The following GPR35 variants were observed in gnomAD, a reference collection of about 807,000 sequenced individuals.
GPR35 encodes the protein G protein-coupled receptor 35, also known as KYNA receptor.
For missense variants in GPR35, 372 were observed against 422.5 expected (o/e 0.88, Z 1.05); for synonymous variants, 207 against 198.4 (o/e 1.04, Z -0.36).
Position 240,618,697 on chromosome 2 carries a change from C to G in GPR35, c.-148-191C>G, listed in dbSNP as rs193273644. Among the ~76,000 whole-genome samples, 291 of 152,326 alleles carry G rather than the reference C, an allele frequency of 1.9e-3. 2 individuals are homozygous for G. Among genetic ancestry groups the G allele is most frequent in the African/African-American group, 6.7e-3 (278 of 41,578 alleles). Reference sequence around the variant, plus strand: ...CCATCCCATTTCCACCTGTTTCCTACAGGTAACAGTTTAATTTAAAGCAAA... The same window carrying G: ...CCATCCCATTTCCACCTGTTTCCTAGAGGTAACAGTTTAATTTAAAGCAAA... On this transcript the variant is annotated intron_variant, in intron 4 of 5. Transcript: ENST00000319838.
Position 240,618,518 on chromosome 2 carries a change from A to G in GPR35, c.-148-370A>G, listed in dbSNP as rs545278988. 7.2e-5 allele frequency among the ~76,000 whole-genome samples: 11 copies of G among 152,374 alleles called. No individual in the cohort carries two copies. The South Asian group carries it at 1.0e-3, about 14-fold the overall frequency. On this transcript the variant is annotated intron_variant, in intron 4 of 5. Coordinates refer to the GPR35 transcript ENST00000319838. ...TTTGGTAGGTTCATATTGTCAACCC[A>G]TAATGCAAGTCAGTTAGTTTCATTT...
intron 4 of GPR35, among the ~76,000 whole-genome samples, chr2:240,618,248 A>G (rs931536007): frequency 1.3e-5 from 2 of 152,242 alleles, no homozygotes; most frequent in African/African-American, 2.4e-5. Context: ...AACACACACA[A>G]TATTTTCAAA....
exon 3 of GPR35, chr2:240,616,476 G>T: frequency 2.6e-6 from 2 of 780,666 alleles, no homozygotes; most frequent in Non-Finnish European, 4.8e-6. Flanking sequence ...ATCTCCTGTC[G>T]ACTGCGAGTC....
upstream of GPR35, among the ~76,000 whole-genome samples, chr2:240,624,940 T>A (rs1446093241): frequency 1.3e-5 from 2 of 152,150 alleles, no homozygotes; most frequent in Non-Finnish European, 2.9e-5. Context: ...CCTGCCTGCG[T>A]GTGCCTCTCA....
chr2:240,630,426 G>A lies in GPR35; in HGVS notation c.474G>A (p.Glu158=). Residue 158 remains glutamate, a synonymous_variant, in exon 2 of 2, where the codon GAG becomes GAA. Coordinates refer to ENST00000407714, the MANE Select transcript of GPR35 (RefSeq NM_005301.5). ...LVARWLLGIQ[E]GGFCFRSTRH... is the part of the protein sequence containing the mutation. ...CTCGCTGGCTCCTGGGGATTCAGGA[G>A]GGCGGCTTCTGCTTCAGGAGCACCC... 1 of 1,612,666 alleles carries A rather than the reference G, an allele frequency of 6.2e-7. No individual in the cohort carries two copies. Among genetic ancestry groups the A allele is most frequent in the Non-Finnish European group, 8.5e-7 (1 of 1,179,950 alleles).
At position 240,630,140 on chromosome 2, in the gene GPR35, C is replaced by A; in HGVS notation, c.188C>A (p.Ala63Glu). Residue 63 changes from alanine (A) to glutamate (E), a missense_variant, in exon 2 of 2, where the codon GCG (alanine) becomes GAG (glutamate). Ala to Glu is a moderately radical substitution (Grantham distance 107, BLOSUM62 -1). Transcript: ENST00000407714. ...ACCCGCATCTACATGACCAACCTGG[C>A]GGTGGCCGACCTCTGCCTGCTGTGC... ...TETRIYMTNL[A>E]VADLCLLCTL... The A allele has an allele frequency of 6.2e-7, 1 of 1,601,974 alleles. No individual in the cohort carries two copies. The highest frequency in any genetic ancestry group is 8.5e-7 in the Non-Finnish European group (1 of 1,177,974).
At position 240,630,925 on chromosome 2, in the gene GPR35, G is replaced by A. The variant is rs763397646; in HGVS notation, c.*43G>A. 75 of 1,523,368 alleles carry A rather than the reference G, an allele frequency of 4.9e-5. No homozygotes were observed. The highest frequency in any genetic ancestry group is 1.4e-4 in the East Asian group (6 of 44,124). 94.4% of individuals were successfully genotyped at this position (1,523,368 alleles called of 1,614,324 possible). ...CTGTGGGCCAGGTCTCGGGGGCTCCGGGAGGTGCTGCCTGCCAGGGGAAGC... is the reference window on the plus strand; with the variant it reads ...CTGTGGGCCAGGTCTCGGGGGCTCCAGGAGGTGCTGCCTGCCAGGGGAAGC... On this transcript the variant is annotated 3_prime_UTR_variant, in exon 2 of 2. Coordinates refer to ENST00000407714, the MANE Select transcript of GPR35 (RefSeq NM_005301.5).
In GPR35 at chr2:240,630,709, A is replaced by G; in HGVS notation, c.757A>G (p.Thr253Ala). 6.2e-7 allele frequency: 1 copy of G among 1,613,440 alleles called. No homozygotes were observed. Among genetic ancestry groups the G allele is most frequent in the East Asian group, 2.2e-5 (1 of 44,870 alleles). ...CTGGAACGCCTGTGCCCTCCTGGAGACGATCCGTCGCGCCCTGTACATAAC... is the reference window on the plus strand; with the variant it reads ...CTGGAACGCCTGTGCCCTCCTGGAGGCGATCCGTCGCGCCCTGTACATAAC... ...VGWNACALLE[T>A]IRRALYITSK... Residue 253 changes from threonine (T) to alanine (A), a missense_variant, in exon 2 of 2, where the codon ACG becomes GCG. Coordinates refer to ENST00000407714, the MANE Select transcript of GPR35 (RefSeq NM_005301.5).
intron 2 of GPR35, among the ~76,000 whole-genome samples, chr2:240,611,926 G>A (rs1051864759): frequency 4.6e-5 from 7 of 152,092 alleles, no homozygotes; most frequent in African/African-American, 1.7e-4. Flanking sequence ...ACATTTTAGG[G>A]ACCCAAATGC....
chr2:240,616,549 G>A, intron 3 of GPR35: 1 of 767,682 alleles, frequency 1.3e-6, no homozygotes. Context: ...CACTTCATCA[G>A]CAGGGCATGC....
At chr2:240,614,342 A>G (rs2043219249) in intron 2 of GPR35, among the ~76,000 whole-genome samples, 1 of 152,014 alleles carries the variant, frequency 6.6e-6, no homozygotes, top group African/African-American at 2.4e-5. Flanking sequence ...TCCAATCCTA[A>G]CCCTAATCCA....
chr2:240,622,456 C>G (rs751352525), upstream of GPR35, among the ~76,000 whole-genome samples: 1 of 152,212 alleles, frequency 6.6e-6, no homozygotes, highest in African/African-American at 2.4e-5. Context: ...TTGGCTTCCC[C>G]GGGCCGCATT....
In GPR35 at chr2:240,630,564, C is replaced by A. The variant is rs530284304; in HGVS notation, c.612C>A (p.Thr204=). The A allele has an allele frequency of 5.0e-6, 8 of 1,612,792 alleles. No individual in the cohort carries two copies. ...CTGCCCTGGCCCAGAGGCCACCCAC[C>A]GACGTGGGGCAGGCAGAGGCCACCC... The part of the protein sequence containing the change: ...VVTALAQRPP[T]DVGQAEATRK... The change falls in exon 2 of 2, where the codon ACC becomes ACA. Residue 204 remains threonine, a synonymous_variant. Coordinates refer to ENST00000407714, the MANE Select transcript of GPR35 (RefSeq NM_005301.5).
rs921469053 is a variant in GPR35, at chr2:240,613,158, C to T, written c.-576-3230C>T. Among the ~76,000 whole-genome samples, 14 of 152,204 alleles carry T rather than the reference C, an allele frequency of 9.2e-5. No homozygotes were observed. The South Asian group carries it at 1.2e-3, about 14-fold the overall frequency. The stretch of plus-strand genomic sequence containing the variant: ...CAGTAAACAAGAGCTCCAGAAGATA[C>T]GCGGAACAGGAGAAGGTGAAGTGTG... On this transcript the variant is annotated intron_variant, in intron 2 of 5. Coordinates refer to the GPR35 transcript ENST00000319838.
rs1471843731 is a variant in GPR35, at chr2:240,632,533, AGGGTCCATGCTGAGGT to A, written c.*1662_*1677del. 4.6e-5 allele frequency among the ~76,000 whole-genome samples: 7 copies of A among 150,886 alleles called. No homozygotes were observed. The highest frequency in any genetic ancestry group is 8.9e-5 in the Non-Finnish European group (6 of 67,656). ...ATGTCAAGGAGGTTCCATGCCCAGG[AGGGTCCATGCTGAGGT>A]GGGTCCATGCCCAGGAGGGTTCATG... On this transcript the variant is annotated 3_prime_UTR_variant, in exon 2 of 2. Transcript: ENST00000407714.
Position 240,632,564 on chromosome 2 carries a change from G to A in GPR35, c.*1682G>A, listed in dbSNP as rs2125491868. Among the ~76,000 whole-genome samples the A allele has an allele frequency of 6.6e-6, 1 of 152,052 alleles. No homozygotes were observed. Among genetic ancestry groups the A allele is most frequent in the South Asian group, 2.1e-4 (1 of 4,810 alleles). On this transcript the variant is annotated 3_prime_UTR_variant, in exon 2 of 2. Transcript: ENST00000407714. ...CATGCTGAGGTGGGTCCATGCCCAG[G>A]AGGGTTCATGTCCAGAAAGGTCCAT...
intron 2 of GPR35, among the ~76,000 whole-genome samples, chr2:240,614,596 C>A (rs905491941): frequency 6.6e-6 from 1 of 152,228 alleles, no homozygotes; most frequent in African/African-American, 2.4e-5. Context: ...TCTGCTCTCC[C>A]GGTTCTCCCC....
intron 1 of GPR35, chr2:240,628,566 C>T (rs2043403114): frequency 6.6e-6 from 1 of 152,158 alleles, no homozygotes; most frequent in Non-Finnish European, 1.5e-5. Flanking sequence ...GGACTGGGGA[C>T]CTGGAGTTCC....
At chr2:240,621,770 A>G (rs2043298147), upstream of GPR35, among the ~76,000 whole-genome samples, 1 of 152,246 alleles carries the variant, frequency 6.6e-6, no homozygotes, top group African/African-American at 2.4e-5. Flanking sequence ...TGTCGTCAGA[A>G]AGCAAGAGGG....
Sources: allele counts gnomAD v4.1 joint callset (sites outside exome capture counted in the v4.1 genomes callset), GRCh38; gene constraint gnomAD v4.1.1; transcripts MANE v1.5; gene names NCBI Gene and HGNC (gene_info 2026-07-23, HGNC 2026-07-21).